Variants in PHKA2 observed in about 807,000 individuals in gnomAD.
PHKA2 encodes the protein phosphorylase b kinase regulatory subunit alpha, liver isoform.
Under a neutral mutation model 102.0 loss-of-function variants are expected in PHKA2, and 31 were observed. That is an observed-to-expected ratio of 0.30 (90% CI 0.23 to 0.41). The LOEUF (loss-of-function observed/expected upper bound fraction) is 0.41, where lower values mean the gene tolerates loss of function less well. PHKA2 is among the 10% of genes least tolerant of loss of function. The pLI is 1.00. For missense variants in PHKA2, 858 were observed against 1,023.1 expected (o/e 0.84, Z 2.20); for synonymous variants, 455 against 416.2 (o/e 1.09, Z -1.13).
intron 1 of PHKA2, 112 bp from the exon 2 acceptor site, chrX:18,954,524 C>A: frequency 1.4e-6 from 1 of 721,572 alleles, no homozygotes; most frequent in Non-Finnish European, 2.1e-6. Flanking sequence ...GCAGGGAGAC[C>A]AAAGTTCCAG....
intron 19 of PHKA2, 113 bp downstream of exon 19, chrX:18,918,568 C>T: frequency 1.5e-6 from 1 of 688,043 alleles, no homozygotes; most frequent in South Asian, 2.2e-5. Flanking sequence ...TAAGTAGAAG[C>T]ACGTGGGGGG....
At chrX:18,935,777 A>ATTT (rs774502316) in intron 11 of PHKA2, among the ~76,000 whole-genome samples, 4 of 77,237 alleles carry the variant, frequency 5.2e-5, no homozygotes, top group Non-Finnish European at 1.0e-4. Context: ...TAATTTTTGT[A>ATTT]TTTTTTTTTT....
chrX:18,901,464 C>T, intron 27 of PHKA2, 21 bp downstream of exon 27: 1 of 1,004,680 alleles, frequency 1.0e-6, no homozygotes, highest in Non-Finnish European at 1.4e-6. Context: ...TCATCCCTCG[C>T]TGCCACTGAG....
rs374849324 is a variant in PHKA2, at chrX:18,893,483, C to T, written c.*2G>A. 4.1e-6 allele frequency: 5 copies of T among 1,207,697 alleles called. No individual in the cohort carries two copies. The African/African-American group carries it at 5.3e-5, about 13-fold the overall frequency. On this transcript the variant is annotated 3_prime_UTR_variant, in exon 33 of 33. Coordinates refer to ENST00000379942, the MANE Select transcript of PHKA2 (RefSeq NM_000292.3). Reference sequence around the variant, plus strand: ...AGTGTGATCATGTTTCCAGGTGAGACCCTATTGCATCTGGCAGCCCGAATT... The same window carrying T: ...AGTGTGATCATGTTTCCAGGTGAGATCCTATTGCATCTGGCAGCCCGAATT...
intron 8 of PHKA2, among the ~76,000 whole-genome samples, chrX:18,940,770 C>A (rs1470729117): frequency 8.9e-6 from 1 of 111,818 alleles, no homozygotes; most frequent in Non-Finnish European, 1.9e-5. Flanking sequence ...CCCTAGCGAC[C>A]AGCACCGCAC....
chrX:18,897,288 A>C lies in PHKA2; in HGVS notation c.3157T>G (p.Ser1053Ala), dbSNP rs1453111224. ...CCCCAGCCGATGTGATGTCCTCCCG[A>C]GTCTGAGGATGACGTGCCAGTGGGC... ...SSPTGTSSSDSGGHHIGWGER... is the reference protein window; with the variant it reads ...SSPTGTSSSDAGGHHIGWGER... Residue 1053 changes from serine to alanine, a missense_variant, in exon 30 of 33, where the codon TCG (serine) becomes GCG (alanine). This residue lies in a region of PHKA2 where 671 missense variants were observed against 745.2 expected (regional missense o/e 0.90). Coordinates refer to ENST00000379942, the MANE Select transcript of PHKA2 (RefSeq NM_000292.3). The C allele has an allele frequency of 5.8e-6, 7 of 1,210,782 alleles. No homozygotes were observed. Among genetic ancestry groups the C allele is most frequent in the Non-Finnish European group, 7.8e-6 (7 of 895,222 alleles).
At chrX:18,955,947 C>T (rs2048767204) in intron 1 of PHKA2, among the ~76,000 whole-genome samples, 1 of 112,543 alleles carries the variant, frequency 8.9e-6, no homozygotes, top group African/African-American at 3.2e-5. Flanking sequence ...TAAAGTCAAC[C>T]AGAATTGAAA....
In PHKA2 at chrX:18,926,807, A is replaced by G. The variant is rs773221552; in HGVS notation, c.1325-220T>C. On this transcript the variant is annotated intron_variant, in intron 13 of 32. Transcript: ENST00000379942. ...CAACGCCTATTTATCAAGTGCCTTCATTGTGCAAGATAGTCTGATAGGAGA... is the reference window on the plus strand; with the variant it reads ...CAACGCCTATTTATCAAGTGCCTTCGTTGTGCAAGATAGTCTGATAGGAGA... Among the ~76,000 whole-genome samples, 4 of 111,601 alleles carry G rather than the reference A, an allele frequency of 3.6e-5. No homozygotes were observed. The East Asian group carries it at 1.1e-3, about 32-fold the overall frequency.
At chrX:18,909,070 T>G (rs903251777) in intron 20 of PHKA2, 136 bp from the exon 21 acceptor site, 2 of 777,216 alleles carry the variant, frequency 2.6e-6, no homozygotes, top group Non-Finnish European at 1.9e-6. Flanking sequence ...TTTTTGTACC[T>G]CTTTATTTAT....
At chrX:18,925,824 A>C in intron 14 of PHKA2, 47 bp from the exon 15 acceptor site, 1 of 876,359 alleles carries the variant, frequency 1.1e-6, no homozygotes, top group Non-Finnish European at 1.7e-6. Context: ...AAATACGGTT[A>C]ACAAGTAATC....
intron 1 of PHKA2, among the ~76,000 whole-genome samples, chrX:18,974,549 G>A (rs1289822383): frequency 1.8e-5 from 2 of 111,477 alleles, no homozygotes; most frequent in African/African-American, 6.5e-5. Flanking sequence ...ACCATAGATC[G>A]GGGGGCCTAA....
intron 1 of PHKA2, among the ~76,000 whole-genome samples, chrX:18,965,478 G>C (rs569633757): frequency 9.0e-6 from 1 of 111,164 alleles, no homozygotes; most frequent in South Asian, 3.8e-4. Flanking sequence ...GTTTCAGGTC[G>C]GGGTTTGGGT....
chrX:18,926,490 C>A lies in PHKA2; in HGVS notation c.1422G>T (p.Gln474His). Reference protein sequence around the residue: ...SIADIHPIQVQPGRILSHIYA... With the variant: ...SIADIHPIQVHPGRILSHIYA... The stretch of plus-strand genomic sequence containing the variant: ...ATATGTGACTAAGAATCCGGCCCGG[C>A]TGGACTTGAATTGGATGAATGTCCG... The change falls in exon 14 of 33, where the codon CAG becomes CAT. Residue 474 changes from glutamine to histidine, a missense_variant. Gln to His is a conservative substitution (Grantham distance 24). Coordinates refer to ENST00000379942, the MANE Select transcript of PHKA2 (RefSeq NM_000292.3). 8.3e-7 allele frequency: 1 copy of A among 1,204,008 alleles called. No homozygotes were observed. Among genetic ancestry groups the A allele is most frequent in the East Asian group, 3.0e-5 (1 of 33,813 alleles).
intron 28 of PHKA2, among the ~76,000 whole-genome samples, chrX:18,899,758 C>T (rs879087290): frequency 8.9e-6 from 1 of 112,004 alleles, no homozygotes; most frequent in Non-Finnish European, 1.9e-5. Flanking sequence ...TGCAAGGGTA[C>T]AGTGTGCTAT....
At chrX:18,901,433 C>T in intron 27 of PHKA2, 52 bp downstream of exon 27, 1 of 812,160 alleles carries the variant, frequency 1.2e-6, no homozygotes, top group East Asian at 3.1e-5. Flanking sequence ...CTGGGGTAAG[C>T]CCAGGTAGGG....
Position 18,954,401 on chromosome X carries a change from C to T in PHKA2, c.90G>A (p.Thr30=), listed in dbSNP as rs745417660. ...QTILCYQNPV[T]GLLSASHEQK... ...GCTCATGGCTGGCTGACAGCAGCCC[C>T]GTGACGGGATTCTATTAGAGAAGAG... Residue 30 remains threonine (T), a synonymous_variant, in exon 2 of 33, where the codon ACG becomes ACA. Coordinates refer to ENST00000379942, the MANE Select transcript of PHKA2 (RefSeq NM_000292.3). 3.3e-6 allele frequency: 4 copies of T among 1,210,591 alleles called. No homozygotes were observed. Among genetic ancestry groups the T allele is most frequent in the Middle Eastern group, 2.3e-4 (1 of 4,349 alleles).
Position 18,894,783 on chromosome X carries a change from C to G in PHKA2, c.3336+355G>C. 3 of 387,051 alleles carry G rather than the reference C, an allele frequency of 7.8e-6. No homozygotes were observed. The South Asian group carries it at 1.2e-4, about 15-fold the overall frequency. The allele number at this position is 387,051 out of a possible 1,213,427, so 31.9% of individuals were successfully genotyped here. A position where few individuals can be genotyped will look rare whatever the true frequency, so the allele number is the denominator to read the frequency against. On this transcript the variant is annotated intron_variant, in intron 31 of 32. Coordinates refer to ENST00000379942, the MANE Select transcript of PHKA2 (RefSeq NM_000292.3). ...AAAAGAATGACAAATCACCTAGGGA[C>G]GATTACTGTTTTTAGTTGGAGAAAA...
At position 18,970,103 on chromosome X, in the gene PHKA2, G is replaced by A. The variant is rs939938116; in HGVS notation, c.78+13752C>T. 2.7e-5 allele frequency among the ~76,000 whole-genome samples: 3 copies of A among 110,801 alleles called. No homozygotes were observed. The Admixed American group carries it at 2.9e-4, about 11-fold the overall frequency. On this transcript the variant is annotated intron_variant, in intron 1 of 32. Coordinates refer to ENST00000379942, the MANE Select transcript of PHKA2 (RefSeq NM_000292.3). ...AAAAATAAAAAATTAGCCAGGTGTG[G>A]AGGCATGTGCCTGTAGTCCCAGCTA... is the stretch of plus-strand genomic sequence containing the variant.
chrX:18,916,344 G>A (rs1470125086), intron 19 of PHKA2, among the ~76,000 whole-genome samples: 1 of 111,877 alleles, frequency 8.9e-6, no homozygotes, highest in East Asian at 2.8e-4. Context: ...GAACCCAGGA[G>A]GCTCGCTTGA....
Sources: gnomAD v4.1 joint callset for allele counts (sites outside exome capture counted in the v4.1 genomes callset) on GRCh38, gnomAD v4.1.1 for gene constraint, gnomAD v4.1.1 regional missense constraint, MANE v1.5 for transcripts, NCBI Gene and HGNC (gene_info 2026-07-23, HGNC 2026-07-21) for gene names.